CDH12: variants seen among roughly 807,000 people sequenced by gnomAD.
CDH12 encodes the protein cadherin 12, also known as cadherin-12.
CDH12 carries 41 observed loss-of-function variants against 74.1 expected under a neutral mutation model. That is an observed-to-expected ratio of 0.55 (90% CI 0.43 to 0.72). The LOEUF is 0.72. Among genes scored for constraint, CDH12 ranks in the 30% least tolerant of loss-of-function variants. The pLI is 0.00. For synonymous variants in CDH12, 399 were observed against 355.0 expected, an observed-to-expected ratio of 1.12 and a Z score of -1.39; for missense variants, 945 against 977.2, an observed-to-expected ratio of 0.97 and a Z score of 0.44.
chr5:21,992,313 A>G (rs1757787434), intron 5 of CDH12, among the ~76,000 whole-genome samples: 1 of 152,216 alleles, frequency 6.6e-6, no homozygotes, highest in Admixed American at 6.5e-5. Flanking sequence ...AGTATATACT[A>G]TTGAATGCCT....
At chr5:22,455,723 C>G (rs888448547) in intron 2 of CDH12, among the ~76,000 whole-genome samples, 2 of 152,028 alleles carry the variant, frequency 1.3e-5, no homozygotes, top group Non-Finnish European at 2.9e-5. Context: ...TAAGTGGGAC[C>G]AAAGAGAAAT....
chr5:22,140,449 GAAGT>G (rs200179909), intron 4 of CDH12, among the ~76,000 whole-genome samples: 46,211 of 151,612 alleles, frequency 0.3, 8,020 homozygotes, highest in East Asian at 0.59. Flanking sequence ...AGTAAAAAGA[GAAGT>G]AAGTTTCCTT....
At chr5:21,819,894 C>G (rs1748270951) in intron 8 of CDH12, among the ~76,000 whole-genome samples, 1 of 151,910 alleles carries the variant, frequency 6.6e-6, no homozygotes, top group South Asian at 2.1e-4. Context: ...TTATTCCATC[C>G]AATCCATTCA....
At chr5:22,235,827 C>T (rs950284465) in intron 3 of CDH12, among the ~76,000 whole-genome samples, 4 of 152,152 alleles carry the variant, frequency 2.6e-5, no homozygotes, top group African/African-American at 7.2e-5. Flanking sequence ...AGAACTTCAT[C>T]GTTAGGCAAT....
At chr5:22,094,233 C>T (rs1031778287) in intron 4 of CDH12, among the ~76,000 whole-genome samples, 1 of 152,110 alleles carries the variant, frequency 6.6e-6, no homozygotes, top group Non-Finnish European at 1.5e-5. Context: ...TGAAGCCATG[C>T]CTCAGCTTAT....
At chr5:22,059,903 T>C (rs1361317043) in intron 5 of CDH12, among the ~76,000 whole-genome samples, 2 of 152,122 alleles carry the variant, frequency 1.3e-5, no homozygotes, top group East Asian at 1.9e-4. Flanking sequence ...CAAACAATTA[T>C]TATTATCCAG....
At chr5:22,657,887 T>G (rs1262786454) in intron 1 of CDH12, among the ~76,000 whole-genome samples, 1 of 152,258 alleles carries the variant, frequency 6.6e-6, no homozygotes, top group African/African-American at 2.4e-5. Flanking sequence ...ACAATAACAT[T>G]TCTATTTAAA....
chr5:22,534,724 C>T (rs1737751390), intron 1 of CDH12, among the ~76,000 whole-genome samples: 1 of 151,694 alleles, frequency 6.6e-6, no homozygotes, highest in Admixed American at 6.6e-5. Flanking sequence ...CTCAATGGAA[C>T]AGAAAATGCA....
Position 22,729,683 on chromosome 5 carries a change from C to T in CDH12, c.-523+123375G>A, listed in dbSNP as rs181974262. Among the ~76,000 whole-genome samples the T allele has an allele frequency of 2.6e-4, 39 of 151,982 alleles. No homozygotes were observed. In the East Asian group the frequency reaches 6.0e-3, roughly 23 times the overall value. ...AGACTGAATACTTATTCTGTCACTACTGGAAGTAGAAATCCTCTTAGTAGA... is the reference window on the plus strand; with the variant it reads ...AGACTGAATACTTATTCTGTCACTATTGGAAGTAGAAATCCTCTTAGTAGA... On this transcript the variant is annotated intron_variant, in intron 1 of 14. Coordinates refer to ENST00000382254, the MANE Select transcript of CDH12 (RefSeq NM_004061.5).
intron 12 of CDH12, among the ~76,000 whole-genome samples, chr5:21,761,161 C>G (rs1010326537): frequency 6.6e-6 from 1 of 152,008 alleles, no homozygotes; most frequent in Non-Finnish European, 1.5e-5. Flanking sequence ...AGCTGTATAT[C>G]TGCTTTTGTT....
At chr5:21,802,474 A>G in intron 9 of CDH12, 54 bp from the exon 10 acceptor site, 1 of 1,463,902 alleles carries the variant, frequency 6.8e-7, no homozygotes, top group Non-Finnish European at 9.5e-7. Flanking sequence ...AATGTGGCAG[A>G]AATGGTGAAC....
chr5:21,819,227 T>G (rs1748227710), intron 8 of CDH12, among the ~76,000 whole-genome samples: 1 of 151,944 alleles, frequency 6.6e-6, no homozygotes, highest in South Asian at 2.1e-4. Context: ...TATTTCTTAA[T>G]AGATAAATTA....
At position 21,975,223 on chromosome 5, in the gene CDH12, C is replaced by T. The variant is rs1757012064; in HGVS notation, c.394G>A (p.Val132Met). 5 of 1,597,204 alleles carry T rather than the reference C, an allele frequency of 3.1e-6. No individual in the cohort carries two copies. Among genetic ancestry groups the T allele is most frequent in the Non-Finnish European group, 4.2e-6 (5 of 1,179,648 alleles). ...AGGGGCTTTCTGGTTTCTATGTCCA[C>T]AGCCTGAGCACGAAGAGTGTAGAAA... The part of the protein sequence containing the change: ...KPFYTLRAQA[V>M]DIETRKPLEP... Residue 132 changes from valine to methionine, a missense_variant, in exon 6 of 15, where the codon GTG becomes ATG. Transcript: ENST00000382254.
At chr5:22,139,313 T>A (rs1302608531) in intron 4 of CDH12, 1 of 147,568 alleles carries the variant, frequency 6.8e-6, no homozygotes, top group African/African-American at 2.5e-5. Flanking sequence ...GCATCATTAG[T>A]TGAAGGAGCC....
At chr5:22,152,556 T>C (rs921892835) in intron 4 of CDH12, among the ~76,000 whole-genome samples, 3 of 152,176 alleles carry the variant, frequency 2.0e-5, no homozygotes, top group East Asian at 1.9e-4. Flanking sequence ...TTTTGAAACA[T>C]GTATACATTC....
intron 10 of CDH12, among the ~76,000 whole-genome samples, chr5:21,797,180 C>T (rs1746831484): frequency 1.3e-5 from 2 of 151,250 alleles, no homozygotes; most frequent in Non-Finnish European, 2.9e-5. Context: ...CTTTGCTGTG[C>T]TTAGTGATGA....
At chr5:22,218,906 CT>C (rs1459135730) in intron 3 of CDH12, among the ~76,000 whole-genome samples, 2 of 151,720 alleles carry the variant, frequency 1.3e-5, no homozygotes, top group Non-Finnish European at 3.0e-5. Context: ...AAATCACCTA[CT>C]TTATATTTCT....
intron 1 of CDH12, among the ~76,000 whole-genome samples, chr5:22,531,819 T>C (rs1450765380): frequency 6.6e-6 from 1 of 152,070 alleles, no homozygotes; most frequent in Non-Finnish European, 1.5e-5. Context: ...AAAGTCTGTA[T>C]TAGAAGCAGC....
chr5:21,981,511 A>G (rs1328735321), intron 5 of CDH12, among the ~76,000 whole-genome samples: 1 of 152,074 alleles, frequency 6.6e-6, no homozygotes, highest in Non-Finnish European at 1.5e-5. Flanking sequence ...CAATGTTTAC[A>G]GTTGTTTTTT....
Sources: gnomAD v4.1 joint callset for allele counts (sites outside exome capture counted in the v4.1 genomes callset) on GRCh38, gnomAD v4.1.1 for gene constraint, MANE v1.5 for transcripts, NCBI Gene and HGNC (gene_info 2026-07-23, HGNC 2026-07-21) for gene names.